MALT1: variants seen among roughly 807,000 people sequenced by gnomAD.
The protein encoded by MALT1 is MALT1 paracaspase, also known as mucosa-associated lymphoid tissue lymphoma translocation protein 1.
A neutral mutation model predicts 85.5 loss-of-function variants in MALT1; 36 were observed. That is an observed-to-expected ratio of 0.42 (90% CI 0.32 to 0.56). The LOEUF is 0.56. Among genes scored for constraint, MALT1 ranks in the 20% least tolerant of loss-of-function variants. The probability of loss-of-function intolerance (pLI) is 0.10; values close to 1 mark genes in which losing one functional copy is unlikely to be tolerated. For synonymous variants in MALT1, 359 were observed against 361.3 expected (o/e 0.99, Z 0.07); for missense variants, 716 against 981.6 (o/e 0.73, Z 3.62).
At chr18:58,715,750 C>T (rs1409421588) in intron 8 of MALT1, among the ~76,000 whole-genome samples, 185 bp from the exon 9 acceptor site, 2 of 152,172 alleles carry the variant, frequency 1.3e-5, no homozygotes, top group Non-Finnish European at 2.9e-5. Context: ...ATGGTAACTA[C>T]TGCTACTTCC....
chr18:58,690,980 C>G, intron 2 of MALT1: 1 of 285,276 alleles, frequency 3.5e-6, no homozygotes, highest in Non-Finnish European at 6.9e-6. Flanking sequence ...GTCTCAGATT[C>G]TCAGGCATCC....
At chr18:58,728,451 A>G (rs2055096324) in intron 10 of MALT1, among the ~76,000 whole-genome samples, 1 of 152,074 alleles carries the variant, frequency 6.6e-6, no homozygotes, top group South Asian at 2.1e-4. Context: ...CAAAAAATTT[A>G]AAAATTAGCC....
Position 58,744,363 on chromosome 18 carries a change from G to A in MALT1, c.1779G>A (p.Lys593=), listed in dbSNP as rs2055339130. 6.2e-7 allele frequency: 1 copy of A among 1,602,554 alleles called. No individual in the cohort carries two copies. The highest frequency in any genetic ancestry group is 2.3e-5 in the East Asian group (1 of 44,392). The change falls in exon 15 of 17, where the codon AAG becomes AAA. Residue 593 remains lysine, a synonymous_variant. Transcript: ENST00000649217. ...AHELPESMCL[K]FDCGVQIQLG... ...AACTTCCAGAAAGTATGTGTCTTAA[G>A]TTTGACTGTGGTGTTCAGATTCAAT...
At chr18:58,677,231 T>A (rs1358914383) in intron 1 of MALT1, among the ~76,000 whole-genome samples, 1 of 152,162 alleles carries the variant, frequency 6.6e-6, no homozygotes, top group East Asian at 1.9e-4. Context: ...CTCCTGTGCC[T>A]CTTGTAATGG....
intron 10 of MALT1, among the ~76,000 whole-genome samples, chr18:58,724,003 T>A (rs1292317769): frequency 6.6e-6 from 1 of 152,216 alleles, no homozygotes; most frequent in Non-Finnish European, 1.5e-5. Flanking sequence ...TGTGCTTCCA[T>A]GACATTGTGC....
chr18:58,723,731 G>A (rs796506217), intron 10 of MALT1, among the ~76,000 whole-genome samples: 9 of 152,250 alleles, frequency 5.9e-5, no homozygotes, highest in African/African-American at 2.2e-4. Context: ...AAATGTTGGT[G>A]GATGGGGCAT....
rs577994514 is a variant in MALT1, at chr18:58,748,360, G to GTAGA, written c.*523_*526dup. 79 of 188,480 alleles carry GTAGA rather than the reference G, an allele frequency of 4.2e-4. No individual in the cohort carries two copies. The East Asian group carries it at 5.1e-3, about 12-fold the overall frequency. 11.7% of individuals were successfully genotyped at this position (188,480 alleles called of 1,614,324 possible). A position where few individuals can be genotyped will look rare whatever the true frequency, so the allele number is the denominator to read the frequency against. On this transcript the variant is annotated 3_prime_UTR_variant, in exon 17 of 17. Transcript: ENST00000649217. ...AGGTTCTGAGATAAGTGTTATGTTTGTAGATAGAGTGAAATATATTTATAT... is the reference window on the plus strand; with the variant it reads ...AGGTTCTGAGATAAGTGTTATGTTTGTAGATAGATAGAGTGAAATATATTTATAT...
chr18:58,693,286 G>T (rs892210431), intron 2 of MALT1, among the ~76,000 whole-genome samples: 3 of 152,300 alleles, frequency 2.0e-5, no homozygotes, highest in Middle Eastern at 6.8e-3. Flanking sequence ...GCCAGGCACA[G>T]TGGCACCTGC....
chr18:58,715,490 G>A (rs990755747), intron 8 of MALT1, among the ~76,000 whole-genome samples: 8 of 152,076 alleles, frequency 5.3e-5, no homozygotes, highest in Admixed American at 6.6e-5. Flanking sequence ...GGTGCGGGGC[G>A]GGATTTTATT....
intron 12 of MALT1, 192 bp downstream of exon 12, chr18:58,734,573 G>A: frequency 3.6e-6 from 2 of 550,788 alleles, no homozygotes; most frequent in Non-Finnish European, 6.5e-6. Context: ...ACAGGCATGT[G>A]CCACTGTGCC....
rs59263984 is a variant in MALT1, at chr18:58,736,772, G to A, written c.1603+1443G>A. On this transcript the variant is annotated intron_variant, in intron 13 of 16. Coordinates refer to ENST00000649217, the MANE Select transcript of MALT1 (RefSeq NM_006785.4). ...ATTGCCCAGGCAGGAAGACCCTGTA[G>A]TGTACATGGAGCACACTCAGCTCAG... Among the ~76,000 whole-genome samples the A allele has an allele frequency of 1.3e-4, 20 of 152,358 alleles. No individual in the cohort carries two copies. In the East Asian group the frequency reaches 3.9e-3, roughly 29 times the overall value.
At chr18:58,689,222 C>T (rs1382335938) in intron 2 of MALT1, among the ~76,000 whole-genome samples, 2 of 150,546 alleles carry the variant, frequency 1.3e-5, no homozygotes, top group African/African-American at 4.9e-5. Flanking sequence ...GGCAAGAAAA[C>T]CTAGGTTTGC....
chr18:58,722,031 C>G (rs2054990921), intron 9 of MALT1, among the ~76,000 whole-genome samples: 1 of 152,146 alleles, frequency 6.6e-6, no homozygotes, highest in Non-Finnish European at 1.5e-5. Context: ...ACACGCCCCA[C>G]TGTCAGCCCT....
intron 8 of MALT1, among the ~76,000 whole-genome samples, chr18:58,714,663 G>A (rs1218997675): frequency 1.4e-5 from 2 of 147,956 alleles, no homozygotes; most frequent in African/African-American, 5.4e-5. Context: ...AACTCTGTAG[G>A]CTAATTTTAA....
In MALT1 at chr18:58,750,614, C is replaced by T. The variant is rs2055434092; in HGVS notation, c.*2772C>T. 1 of 152,146 alleles carries T rather than the reference C, an allele frequency of 6.6e-6. No individual in the cohort carries two copies. Among genetic ancestry groups the T allele is most frequent in the Admixed American group, 6.6e-5 (1 of 15,264 alleles). 9.4% of individuals were successfully genotyped at this position (152,146 alleles called of 1,614,324 possible). A position where few individuals can be genotyped will look rare whatever the true frequency, so the allele number is the denominator to read the frequency against. On this transcript the variant is annotated 3_prime_UTR_variant, in exon 17 of 17. Coordinates refer to ENST00000649217, the MANE Select transcript of MALT1 (RefSeq NM_006785.4). The stretch of plus-strand genomic sequence containing the variant: ...GTCAACTTGTTTTCAACAAGGATGC[C>T]AATACCATCAATAGAGAAGGAGTGG...
chr18:58,751,396 A>AT lies in MALT1; in HGVS notation c.*3567dup, dbSNP rs35555686. The AT allele has an allele frequency of 0.39, 58,374 of 148,280 alleles. 13,630 individuals are homozygous for AT. Among genetic ancestry groups the AT allele is most frequent in the Non-Finnish European group, 0.52 (34,839 of 67,040 alleles). The allele number at this position is 148,280 out of a possible 1,614,324, so 9.2% of individuals were successfully genotyped here. The stretch of plus-strand genomic sequence containing the variant: ...CCCTTTATACTCTTCTGTATATTTG[A>AT]TTTTTTTTTTTTTAAGACAGAGTCC... On this transcript the variant is annotated 3_prime_UTR_variant, in exon 17 of 17. Transcript: ENST00000649217.
rs2055196433 is a variant in MALT1, at chr18:58,734,391, T to C, written c.1475+10T>C. The C allele has an allele frequency of 6.2e-7, 1 of 1,606,058 alleles. No homozygotes were observed. The highest frequency in any genetic ancestry group is 1.3e-5 in the African/African-American group (1 of 74,756). On this transcript the variant is annotated intron_variant, in intron 12 of 16. Transcript: ENST00000649217. ...TGTTTGGATATGCCACGTAAGAACA[T>C]TTGATGTTTACGTTGAAGTTTCCTT...
chr18:58,676,159 C>G (rs908600986), intron 1 of MALT1, among the ~76,000 whole-genome samples: 1 of 152,184 alleles, frequency 6.6e-6, no homozygotes, highest in East Asian at 1.9e-4. Flanking sequence ...GCTCCCACCC[C>G]AGTCTGTTAC....
chr18:58,726,329 TAAATG>T (rs2055053850), intron 10 of MALT1, among the ~76,000 whole-genome samples: 1 of 152,208 alleles, frequency 6.6e-6, no homozygotes, highest in Non-Finnish European at 1.5e-5. Context: ...ACATCTACAC[TAAATG>T]TAAGTGTGGT....
Sources: gnomAD v4.1 joint callset for allele counts (sites outside exome capture counted in the v4.1 genomes callset) on GRCh38, gnomAD v4.1.1 for gene constraint, MANE v1.5 for transcripts, NCBI Gene and HGNC (gene_info 2026-07-23, HGNC 2026-07-21) for gene names.